IWS1: variants seen among roughly 807,000 people sequenced by gnomAD.
IWS1 encodes the protein interacts with SUPT6H, CTD assembly factor 1.
IWS1 carries 27 observed loss-of-function variants against 86.7 expected under a neutral mutation model. The ratio of observed to expected loss-of-function variants is 0.31; its 90% CI spans 0.23 to 0.43. The LOEUF (loss-of-function observed/expected upper bound fraction) is 0.43, where lower values mean the gene tolerates loss of function less well. Among genes scored for constraint, IWS1 ranks in the 20% least tolerant of loss-of-function variants. The pLI is 1.00. For missense variants in IWS1, 827 were observed against 1,000.8 expected (o/e 0.83, Z 2.34); for synonymous variants, 313 against 335.1 (o/e 0.93, Z 0.72).
intron 13 of IWS1, among the ~76,000 whole-genome samples, chr2:127,483,691 ATGATTCTAGCTCACTGCAGC>A (rs1558737133): frequency 1.3e-5 from 2 of 148,524 alleles, no homozygotes; most frequent in Non-Finnish European, 3.0e-5. Flanking sequence ...GTGCAATGGC[ATGATTCTAGCTCACTGCAGC>A]CTCAAACTCC....
chr2:127,503,341 T>C lies in IWS1; in HGVS notation c.1409+46A>G. The C allele has an allele frequency of 3.5e-6, 5 of 1,424,712 alleles. No homozygotes were observed. In the Middle Eastern group the frequency reaches 5.4e-4, roughly 153 times the overall value. 88.3% of individuals were successfully genotyped at this position (1,424,712 alleles called of 1,614,324 possible). A position where few individuals can be genotyped will look rare whatever the true frequency, so the allele number is the denominator to read the frequency against. On this transcript the variant is annotated intron_variant, in intron 4 of 13. Coordinates refer to ENST00000295321, the MANE Select transcript of IWS1 (RefSeq NM_017969.3). ...TATTATAACACAGACCCCTCTCTAC[T>C]GCCTAATTAAGAACCCCTGAAAACT... is the stretch of plus-strand genomic sequence containing the variant.
intron 2 of IWS1, among the ~76,000 whole-genome samples, chr2:127,506,036 T>G (rs952049894): frequency 3.9e-5 from 6 of 152,154 alleles, no homozygotes; most frequent in Non-Finnish European, 5.9e-5. Context: ...AAGAGCTAGA[T>G]TTTTTCTTTT....
chr2:127,521,159 G>A (rs1376220362), intron 2 of IWS1, among the ~76,000 whole-genome samples: 5 of 152,202 alleles, frequency 3.3e-5, no homozygotes, highest in Admixed American at 2.6e-4. Flanking sequence ...GGCTGAGGCA[G>A]GAGAATTGCT....
At chr2:127,495,230 G>C (rs1452036476) in intron 7 of IWS1, among the ~76,000 whole-genome samples, 2 of 152,084 alleles carry the variant, frequency 1.3e-5, no homozygotes, top group African/African-American at 4.8e-5. Context: ...CAAATTTTCA[G>C]AGTTCATTAA....
intron 3 of IWS1, among the ~76,000 whole-genome samples, 183 bp from the exon 4 acceptor site, chr2:127,503,759 AAATGGCTCATTC>A: frequency 6.6e-6 from 1 of 152,150 alleles, no homozygotes; most frequent in Non-Finnish European, 1.5e-5. Context: ...TAAAATAACT[AAATGGCTCATTC>A]AGAGTCATCT....
In IWS1 at chr2:127,505,535, T is replaced by A; in HGVS notation, c.368A>T (p.Glu123Val). The A allele has an allele frequency of 6.2e-7, 1 of 1,614,114 alleles. No individual in the cohort carries two copies. The highest frequency in any genetic ancestry group is 8.5e-7 in the Non-Finnish European group (1 of 1,179,990). The change falls in exon 3 of 14, where the codon GAA (glutamate) becomes GTA (valine). Residue 123 changes from glutamate to valine, a missense_variant. Transcript: ENST00000295321. This position sits in a 1 kb window ranked among gnomAD's most constrained non-coding sequence, Gnocchi z 5.0. ...VNQHGSDSESEETRKLPGSDS... is the reference protein window; with the variant it reads ...VNQHGSDSESVETRKLPGSDS... ...ACTACCAGGTAATTTCCTGGTCTCTTCACTCTCAGAGTCGCTCCCATGCTG... is the reference window on the plus strand; with the variant it reads ...ACTACCAGGTAATTTCCTGGTCTCTACACTCTCAGAGTCGCTCCCATGCTG...
intron 2 of IWS1, among the ~76,000 whole-genome samples, chr2:127,507,495 T>G (rs1447873084): frequency 6.6e-6 from 1 of 152,212 alleles, no homozygotes; most frequent in Non-Finnish European, 1.5e-5. Flanking sequence ...TCCTTGTCAG[T>G]CACAAGCTCT....
intron 12 of IWS1, among the ~76,000 whole-genome samples, chr2:127,487,650 G>C (rs1366489807): frequency 1.3e-5 from 2 of 152,098 alleles, no homozygotes; most frequent in African/African-American, 4.8e-5. Flanking sequence ...TCCTGGGTTT[G>C]TGCCATTCTC....
chr2:127,523,778 A>G lies in IWS1; in HGVS notation c.48T>C (p.Ala16=), dbSNP rs1447936334. 3 of 1,611,438 alleles carry G rather than the reference A, an allele frequency of 1.9e-6. No individual in the cohort carries two copies. The highest frequency in any genetic ancestry group is 4.5e-5 in the East Asian group (2 of 44,832). The change falls in exon 2 of 14, where the codon GCT becomes GCC. Residue 16 remains alanine, a synonymous_variant. Transcript: ENST00000295321. ...AATCCCGTTCATCCTGTACTGGGGT[A>G]GCACCACCATCATCTGATTAAAAAC... ...YSGDQSDDGG[A]TPVQDERDSG...
rs182697175 is a variant in IWS1 at position 127,505,780 on chromosome 2, G to T, written c.151-28C>A. 3.2e-6 allele frequency: 4 copies of T among 1,236,886 alleles called. No homozygotes were observed. The highest frequency in any genetic ancestry group is 1.8e-5 in the South Asian group (1 of 54,520). 76.6% of individuals were successfully genotyped at this position (1,236,886 alleles called of 1,614,324 possible). A position where few individuals can be genotyped will look rare whatever the true frequency, so the allele number is the denominator to read the frequency against. ...GAAAAATAAAGTGAGAAAAAATTAG[G>T]AAAGTGCAAAAAAAAAAAAACCATT... On this transcript the variant is annotated intron_variant, in intron 2 of 13. Coordinates refer to ENST00000295321, the MANE Select transcript of IWS1 (RefSeq NM_017969.3). The surrounding 1 kb of genome is among the most constrained non-coding windows in gnomAD (Gnocchi z 5.0).
intron 2 of IWS1, among the ~76,000 whole-genome samples, chr2:127,516,697 G>A (rs538020829): frequency 3.3e-5 from 5 of 152,216 alleles, no homozygotes; most frequent in African/African-American, 1.2e-4. Context: ...GGAGTTCAAG[G>A]TTACAATGAG....
chr2:127,503,936 G>C (rs532560940), intron 3 of IWS1, among the ~76,000 whole-genome samples: 2 of 152,244 alleles, frequency 1.3e-5, no homozygotes, highest in South Asian at 2.1e-4. Flanking sequence ...TTGCCTAGTA[G>C]TAACTGAACT....
intron 2 of IWS1, among the ~76,000 whole-genome samples, chr2:127,518,900 T>A (rs1280042171): frequency 2.6e-5 from 4 of 152,086 alleles, no homozygotes; most frequent in Non-Finnish European, 2.9e-5. Flanking sequence ...AAGATCAACG[T>A]TGGTGCAAAA....
At chr2:127,517,157 C>G (rs1049730726) in intron 2 of IWS1, among the ~76,000 whole-genome samples, 2 of 152,146 alleles carry the variant, frequency 1.3e-5, no homozygotes, top group African/African-American at 4.8e-5. Context: ...TTTACACTAC[C>G]AAGATGGCAA....
In IWS1 at chr2:127,489,382, T is replaced by C. The variant is rs1199025200; in HGVS notation, c.2160-147A>G. On this transcript the variant is annotated intron_variant, in intron 11 of 13. Coordinates refer to ENST00000295321, the MANE Select transcript of IWS1 (RefSeq NM_017969.3). This position sits in a 1 kb window ranked among gnomAD's most constrained non-coding sequence, Gnocchi z 4.8. ...AAAATAATTCCTAATCTTTAAAAAG[T>C]ACTACTCATTTTAGTATTCATTTGC... 1.9e-5 allele frequency: 12 copies of C among 627,442 alleles called. No individual in the cohort carries two copies. The highest frequency in any genetic ancestry group is 2.8e-5 in the Non-Finnish European group (10 of 352,846). 38.9% of individuals were successfully genotyped at this position (627,442 alleles called of 1,614,324 possible). A position where few individuals can be genotyped will look rare whatever the true frequency, so the allele number is the denominator to read the frequency against.
chr2:127,486,164 G>A (rs947729245), intron 13 of IWS1: 112 of 182,236 alleles, frequency 6.1e-4, no homozygotes, highest in African/African-American at 2.5e-3. Flanking sequence ...TGCTTAAACC[G>A]TTGAAGAGAA....
At position 127,504,864 on chromosome 2, in the gene IWS1, C is replaced by T. The variant is rs747054879; in HGVS notation, c.1039G>A (p.Asp347Asn). ...NKGEDTEMQNDSFHSDSHMDR... is the reference protein window; with the variant it reads ...NKGEDTEMQNNSFHSDSHMDR... ...ATATGGCTGTCTGAATGGAAGGAGT[C>T]ATTCTGCATTTCTGTATCCTCTCCC... Residue 347 changes from aspartate to asparagine, a missense_variant, in exon 3 of 14, where the codon GAC becomes AAC. By Grantham distance (23) the Asp-to-Asn change is conservative. Around this residue, in one of 2 missense-constraint regions of IWS1, gnomAD observed 548 missense variants for 560.2 expected, o/e 0.98. Transcript: ENST00000295321. 21 of 1,614,158 alleles carry T rather than the reference C, an allele frequency of 1.3e-5. No individual in the cohort carries two copies. In the South Asian group the frequency reaches 2.3e-4, roughly 18 times the overall value.
At chr2:127,508,323 T>G (rs1453726349) in intron 2 of IWS1, among the ~76,000 whole-genome samples, 3 of 148,372 alleles carry the variant, frequency 2.0e-5, no homozygotes, top group African/African-American at 7.3e-5. Flanking sequence ...AAAAGTGTAC[T>G]GGAAGTGCAT....
chr2:127,524,845 A>T (rs1692303730), intron 1 of IWS1, among the ~76,000 whole-genome samples: 2 of 151,518 alleles, frequency 1.3e-5, no homozygotes, highest in African/African-American at 4.8e-5. Flanking sequence ...ATGGAAAAAA[A>T]ACTATTCTGA....
Sources: allele counts gnomAD v4.1 joint callset (sites outside exome capture counted in the v4.1 genomes callset), GRCh38; gene constraint gnomAD v4.1.1; regional missense constraint gnomAD v4.1.1; non-coding constraint Gnocchi (gnomAD v3.1); transcripts MANE v1.5; gene names NCBI Gene and HGNC (gene_info 2026-07-23, HGNC 2026-07-21).